The following ISM2 variants were observed in gnomAD, a reference collection of about 807,000 sequenced individuals.
ISM2 encodes the protein isthmin 2, also known as isthmin-2.
ISM2 carries 50 observed loss-of-function variants against 58.0 expected under a neutral mutation model. The observed-to-expected ratio is 0.86, with a 90% CI of 0.69 to 1.09. The LOEUF (loss-of-function observed/expected upper bound fraction) is 1.09, where lower values mean the gene tolerates loss of function less well. Among genes scored for constraint, ISM2 ranks in the 50% least tolerant of loss-of-function variants. ISM2 has a pLI of 0.00. For missense variants in ISM2, 723 were observed against 745.0 expected, an observed-to-expected ratio of 0.97 and a Z score of 0.34; for synonymous variants, 303 against 312.4, an observed-to-expected ratio of 0.97 and a Z score of 0.32.
Position 77,475,909 on chromosome 14 carries a change from A to T in ISM2, c.1402T>A (p.Tyr468Asn). ...AGGCAGAAGCGCGCCGTGGGCTGGT[A>T]GATGTCCAGGCGCTCGCGAGGGCCA... ...ASGPRERLDI[Y>N]QPTARFCLRS... The change falls in exon 7 of 7, where the codon TAC becomes AAC. Residue 468 changes from tyrosine to asparagine, a missense_variant. Coordinates refer to ENST00000342219, the MANE Select transcript of ISM2 (RefSeq NM_199296.3). The surrounding 1 kb of genome is among the most constrained non-coding windows in gnomAD (Gnocchi z 4.1). The T allele has an allele frequency of 6.2e-7, 1 of 1,601,958 alleles. No individual in the cohort carries two copies. The highest frequency in any genetic ancestry group is 1.7e-5 in the Admixed American group (1 of 60,012).
intron 3 of ISM2, among the ~76,000 whole-genome samples, chr14:77,483,577 T>TATC (rs2079146620): frequency 6.6e-6 from 1 of 151,112 alleles, no homozygotes; most frequent in Admixed American, 6.6e-5. Context: ...GAAAAAAGAA[T>TATC]ATCACCTATA....
At chr14:77,494,726 G>C (rs1332462089) in intron 1 of ISM2, among the ~76,000 whole-genome samples, 1 of 152,016 alleles carries the variant, frequency 6.6e-6, no homozygotes, top group Non-Finnish European at 1.5e-5. Context: ...CGCCACCCAA[G>C]TCCCTAGAAT....
At chr14:77,484,108 G>T in intron 3 of ISM2, 1 of 561,032 alleles carries the variant, frequency 1.8e-6, no homozygotes, top group Non-Finnish European at 3.1e-6. Flanking sequence ...GGCTCAAAGA[G>T]TCAAAAGACT....
chr14:77,486,261 C>T (rs1242040442), intron 1 of ISM2, among the ~76,000 whole-genome samples: 1 of 63,632 alleles, frequency 1.6e-5, no homozygotes, highest in African/African-American at 3.6e-5. Context: ...CCTAGTTTCT[C>T]ACTCTTACTT....
intron 1 of ISM2, among the ~76,000 whole-genome samples, chr14:77,491,691 CTTTTTTTTTTTTT>C (rs777579764): frequency 9.5e-6 from 1 of 105,268 alleles, no homozygotes; most frequent in Non-Finnish European, 1.9e-5. Context: ...CGCGTCTGGT[CTTTTTTTTTTTTT>C]TTTTTTTTTT....
At position 77,475,645 on chromosome 14, in the gene ISM2, G is replaced by T. The variant is rs775776727; in HGVS notation, c.1666C>A (p.Pro556Thr). The part of the protein sequence containing the change: ...PNNGRACTDN[P>T]LEEEYLAQLQ... The stretch of plus-strand genomic sequence containing the variant: ...TGTGCTAGGTACTCCTCCTCCAGGG[G>T]GTTGTCGGTGCAGGCTCGGCCGTTG... The change falls in exon 7 of 7, where the codon CCC becomes ACC. Residue 556 changes from proline (P) to threonine (T), a missense_variant. Coordinates refer to ENST00000342219, the MANE Select transcript of ISM2 (RefSeq NM_199296.3). The surrounding 1 kb of genome is among the most constrained non-coding windows in gnomAD (Gnocchi z 4.1). 6.2e-7 allele frequency: 1 copy of T among 1,611,838 alleles called. No homozygotes were observed. Among genetic ancestry groups the T allele is most frequent in the Non-Finnish European group, 8.5e-7 (1 of 1,178,712 alleles).
At chr14:77,480,985 A>T (rs758284494) in intron 4 of ISM2, among the ~76,000 whole-genome samples, 2 of 152,212 alleles carry the variant, frequency 1.3e-5, no homozygotes, top group Non-Finnish European at 2.9e-5. Flanking sequence ...GAATGGCTGC[A>T]ACTATGCATA....
chr14:77,478,261 A>G lies in ISM2; in HGVS notation c.1179T>C (p.Ala393=). ...SEEWKLLARN[A]TDMHDQDVDS... is the part of the protein sequence containing the mutation. ...ACTCACCTTGATCATGCATGTCCGT[A>G]GCATTGCGGGCCAGGAGCTTCCACT... The change falls in exon 6 of 7, where the codon GCT becomes GCC. Residue 393 remains alanine, a synonymous_variant. Transcript: ENST00000342219. 1 of 1,614,078 alleles carries G rather than the reference A, an allele frequency of 6.2e-7. No individual in the cohort carries two copies. Among genetic ancestry groups the G allele is most frequent in the Non-Finnish European group, 8.5e-7 (1 of 1,179,966 alleles).
chr14:77,498,808 G>A lies in ISM2; in HGVS notation c.-15C>T. ...AGCGCACGCATCGTCTCGGTTCCGA[G>A]GCTGCTCTGCCTGCACCTCTGCACG... is the stretch of plus-strand genomic sequence containing the variant. On this transcript the variant is annotated 5_prime_UTR_variant, in exon 1 of 7. Coordinates refer to ENST00000342219, the MANE Select transcript of ISM2 (RefSeq NM_199296.3). 7.1e-7 allele frequency: 1 copy of A among 1,410,816 alleles called. No individual in the cohort carries two copies. Among genetic ancestry groups the A allele is most frequent in the Non-Finnish European group, 9.2e-7 (1 of 1,091,382 alleles). The allele number at this position is 1,410,816 out of a possible 1,614,324, so 87.4% of individuals were successfully genotyped here.
intron 1 of ISM2, among the ~76,000 whole-genome samples, chr14:77,497,392 A>AAG: frequency 1.4e-5 from 2 of 141,438 alleles, no homozygotes; most frequent in East Asian, 4.9e-4. Flanking sequence ...AAAAAAAGGA[A>AAG]GAAGAAGAAT....
chr14:77,480,964 G>A (rs965586281), intron 4 of ISM2, among the ~76,000 whole-genome samples: 1 of 152,156 alleles, frequency 6.6e-6, no homozygotes, highest in Non-Finnish European at 1.5e-5. Flanking sequence ...AAGACACCAG[G>A]GCTCCAAGGG....
At chr14:77,498,540 G>A (rs921166058) in intron 1 of ISM2, 113 bp downstream of exon 1, 17 of 1,365,786 alleles carry the variant, frequency 1.2e-5, no homozygotes, top group Middle Eastern at 2.1e-4. Context: ...TCTCTCCATC[G>A]GGGGGTCGCT....
chr14:77,493,772 TTTC>T (rs2139973019), intron 1 of ISM2, among the ~76,000 whole-genome samples: 1 of 151,256 alleles, frequency 6.6e-6, no homozygotes, highest in Non-Finnish European at 1.5e-5. Context: ...GAATGATTCT[TTTC>T]TTTTCTTTTT....
rs1176827891 is a variant in ISM2 at position 77,482,610 on chromosome 14, C to A, written c.685G>T (p.Glu229Ter). The part of the protein sequence containing the change: ...QAEVSIDLLA[E>*]PSNPPPQDTL... ...TCCTGGGGCGGGGGATTGCTGGGCT[C>A]AGCCAACAGGTCTATCGACACCTCG... The change falls in exon 4 of 7, where the codon GAG becomes TAG. Residue 229 changes from glutamate (E) to a stop codon, truncating the protein, a stop_gained. Coordinates refer to ENST00000342219, the MANE Select transcript of ISM2 (RefSeq NM_199296.3). LOFTEE classifies it high-confidence loss of function. The A allele has an allele frequency of 2.5e-6, 4 of 1,606,298 alleles. No individual in the cohort carries two copies. Among genetic ancestry groups the A allele is most frequent in the Admixed American group, 3.4e-5 (2 of 59,256 alleles).
chr14:77,498,162 C>A, intron 1 of ISM2: 1 of 1,002,972 alleles, frequency 1.0e-6, no homozygotes, highest in Non-Finnish European at 1.3e-6. Flanking sequence ...TCAGGCTGGC[C>A]ACCCCTGCCG....
Position 77,497,430 on chromosome 14 carries a change from A to C in ISM2, c.141+1223T>G, listed in dbSNP as rs558190006. 1.5e-3 allele frequency among the ~76,000 whole-genome samples: 225 copies of C among 151,094 alleles called. 1 individual carries two copies. Among genetic ancestry groups the C allele is most frequent in the Non-Finnish European group, 2.5e-3 (168 of 67,878 alleles). On this transcript the variant is annotated intron_variant, in intron 1 of 6. Transcript: ENST00000342219. ...CTGGGCACCATGGCTCATGCCTGTA[A>C]TACTGGCACTATGGGAGGCTGAGGC...
At position 77,475,796 on chromosome 14, in the gene ISM2, C is replaced by T; in HGVS notation, c.1515G>A (p.Lys505=). 1 of 1,613,428 alleles carries T rather than the reference C, an allele frequency of 6.2e-7. No individual in the cohort carries two copies. ...DEDSRLLTRG[K]GAGMPNLIST... ...TGATGAGGTTGGGCATGCCGGCGCC[C>T]TTGCCACGGGTCAGCAGCCGGCTGT... is the stretch of plus-strand genomic sequence containing the variant. Residue 505 remains lysine, a synonymous_variant, in exon 7 of 7, where the codon AAG becomes AAA. Transcript: ENST00000342219. The surrounding 1 kb of genome is among the most constrained non-coding windows in gnomAD (Gnocchi z 4.1).
In ISM2 at chr14:77,497,737, A is replaced by AGGAGGGAGGGAG. The variant is rs1292866877; in HGVS notation, c.141+904_141+915dup. ...AGGGAGAAAGAAAAAGTAGGAAGGA[A>AGGAGGGAGGGAG]GGAGGGAGGGAGGGAGGGAGGGAGG... On this transcript the variant is annotated intron_variant, in intron 1 of 6. Transcript: ENST00000342219. 2.1e-3 allele frequency among the ~76,000 whole-genome samples: 99 copies of AGGAGGGAGGGAG among 46,322 alleles called. 3 individuals are homozygous for AGGAGGGAGGGAG. The highest frequency in any genetic ancestry group is 6.5e-3 in the African/African-American group (94 of 14,476). 30.4% of individuals were successfully genotyped at this position (46,322 alleles called of 152,430 possible).
At chr14:77,480,346 C>T (rs1341897203) in intron 4 of ISM2, among the ~76,000 whole-genome samples, 1 of 151,526 alleles carries the variant, frequency 6.6e-6, no homozygotes, top group African/African-American at 2.4e-5. Context: ...ATATTAGGGA[C>T]CCACTTCTGA....
Sources: allele counts gnomAD v4.1 joint callset (sites outside exome capture counted in the v4.1 genomes callset), GRCh38; gene constraint gnomAD v4.1.1; non-coding constraint Gnocchi (gnomAD v3.1); transcripts MANE v1.5; gene names NCBI Gene and HGNC (gene_info 2026-07-23, HGNC 2026-07-21).